GABRA2: variants seen among roughly 807,000 people sequenced by gnomAD.
GABRA2 encodes the protein gamma-aminobutyric acid type A receptor subunit alpha2, also known as gamma-aminobutyric acid receptor subunit alpha-2.
Under a neutral mutation model 48.7 loss-of-function variants are expected in GABRA2, and 16 were observed. The ratio of observed to expected loss-of-function variants is 0.33; its 90% CI spans 0.22 to 0.50. The LOEUF is 0.50. Ranked by LOEUF, GABRA2 falls within the 20% of genes least tolerant of loss-of-function variation. The probability of loss-of-function intolerance (pLI) is 0.98; values close to 1 mark genes in which losing one functional copy is unlikely to be tolerated. For synonymous variants in GABRA2, 185 were observed against 184.5 expected (o/e 1.00, Z -0.02); for missense variants, 275 against 535.6 (o/e 0.51, Z 4.80).
At chr4:46,304,695 C>T (rs1403099815) in intron 7 of GABRA2, among the ~76,000 whole-genome samples, 6 of 151,776 alleles carry the variant, frequency 4.0e-5, no homozygotes, top group African/African-American at 1.4e-4. Flanking sequence ...TTTGGGAGGC[C>T]GAGGCAGGCT....
chr4:46,388,513 C>T, intron 2 of GABRA2, 123 bp downstream of exon 2: 1 of 1,147,222 alleles, frequency 8.7e-7, no homozygotes, highest in Non-Finnish European at 1.3e-6. Flanking sequence ...TCACTTTCCC[C>T]ATACACCCCC....
intron 4 of GABRA2, among the ~76,000 whole-genome samples, chr4:46,325,513 T>C (rs891931297): frequency 1.3e-5 from 2 of 151,980 alleles, no homozygotes. Context: ...TAATTTCTCC[T>C]ATTCTGTAGG....
At chr4:46,301,181 T>A (rs931234679) in intron 8 of GABRA2, among the ~76,000 whole-genome samples, 3 of 152,094 alleles carry the variant, frequency 2.0e-5, no homozygotes, top group Non-Finnish European at 4.4e-5. Flanking sequence ...TGGGAAAAAA[T>A]TTGAGGAGGT....
At chr4:46,273,532 TATATGA>T (rs1372111505) in intron 8 of GABRA2, among the ~76,000 whole-genome samples, 74 of 40,476 alleles carry the variant, frequency 1.8e-3, no homozygotes, top group African/African-American at 8.4e-3. Flanking sequence ...TATATATATA[TATATGA>T]GAGAGAGAGG....
At chr4:46,307,114 C>T (rs1352915488) in intron 6 of GABRA2, among the ~76,000 whole-genome samples, 1 of 151,500 alleles carries the variant, frequency 6.6e-6, no homozygotes, top group Admixed American at 6.6e-5. Flanking sequence ...TATGTATATA[C>T]TTTTAATAGA....
At chr4:46,278,156 C>G (rs1016364274) in intron 8 of GABRA2, among the ~76,000 whole-genome samples, 1 of 152,094 alleles carries the variant, frequency 6.6e-6, no homozygotes, top group Non-Finnish European at 1.5e-5. Flanking sequence ...TACACACACA[C>G]TTATACACAC....
At chr4:46,386,440 A>T (rs1448739117) in intron 2 of GABRA2, among the ~76,000 whole-genome samples, 4 of 152,154 alleles carry the variant, frequency 2.6e-5, no homozygotes, top group Admixed American at 2.6e-4. Flanking sequence ...TGCCCCTTTA[A>T]CATTTTATGT....
At chr4:46,262,392 T>C (rs947844983) in intron 8 of GABRA2, among the ~76,000 whole-genome samples, 1 of 152,120 alleles carries the variant, frequency 6.6e-6, no homozygotes, top group African/African-American at 2.4e-5. Context: ...ACTTCCTTCT[T>C]CTTAAGTACT....
intron 9 of GABRA2, among the ~76,000 whole-genome samples, chr4:46,252,559 A>G (rs182996131): frequency 1.7e-3 from 262 of 151,504 alleles, no homozygotes; most frequent in African/African-American, 6.1e-3. Flanking sequence ...AAAGCGCTCA[A>G]ACTTAGATGT....
intron 3 of GABRA2, among the ~76,000 whole-genome samples, chr4:46,338,092 A>C (rs1192478070): frequency 2.4e-4 from 36 of 152,006 alleles, no homozygotes; most frequent in Non-Finnish European, 4.4e-5. Flanking sequence ...CCGTAGACAC[A>C]CACATACACA....
chr4:46,361,585 C>A (rs1450397279), intron 3 of GABRA2, among the ~76,000 whole-genome samples: 3 of 152,148 alleles, frequency 2.0e-5, no homozygotes, highest in Non-Finnish European at 4.4e-5. Flanking sequence ...GGGTTGGAGC[C>A]ACCAAACAGA....
Position 46,246,789 on chromosome 4 carries a change from C to A in GABRA2, c.*3519G>T, listed in dbSNP as rs1379004559. On this transcript the variant is annotated 3_prime_UTR_variant, in exon 10 of 10. Transcript: ENST00000381620. ...TGTTTCACAGACATGTGTCTGAGGG[C>A]ATCAGGCATAGAATACATTAAACAA... Among the ~76,000 whole-genome samples the A allele has an allele frequency of 6.6e-6, 1 of 151,122 alleles. No individual in the cohort carries two copies. The highest frequency in any genetic ancestry group is 1.5e-5 in the Non-Finnish European group (1 of 67,432).
intron 3 of GABRA2, among the ~76,000 whole-genome samples, chr4:46,357,119 G>A (rs1447935911): frequency 6.6e-6 from 1 of 151,618 alleles, no homozygotes; most frequent in Non-Finnish European, 1.5e-5. Context: ...CTGCACTACT[G>A]GGGCTCTACA....
In GABRA2 at chr4:46,247,788, G is replaced by A. The variant is rs929911634; in HGVS notation, c.*2520C>T. ...ACGAATCTTGTTCTATAATTTAAAA[G>A]CAATTTCCACGGAGCATCCCTAGTC... On this transcript the variant is annotated 3_prime_UTR_variant, in exon 10 of 10. Coordinates refer to ENST00000381620, the MANE Select transcript of GABRA2 (RefSeq NM_000807.4). 6.6e-6 allele frequency among the ~76,000 whole-genome samples: 1 copy of A among 151,204 alleles called. No individual in the cohort carries two copies. Among genetic ancestry groups the A allele is most frequent in the African/African-American group, 2.4e-5 (1 of 41,318 alleles).
At chr4:46,344,637 A>G (rs1426265381) in intron 3 of GABRA2, among the ~76,000 whole-genome samples, 1 of 151,850 alleles carries the variant, frequency 6.6e-6, no homozygotes, top group Non-Finnish European at 1.5e-5. Context: ...GAAAAGATCA[A>G]TGACAGAGGA....
At chr4:46,297,325 T>C (rs1724906816) in intron 8 of GABRA2, among the ~76,000 whole-genome samples, 1 of 151,512 alleles carries the variant, frequency 6.6e-6, no homozygotes, top group Non-Finnish European at 1.5e-5. Context: ...GCCTACATCT[T>C]TCTCCTGTGC....
chr4:46,354,903 C>T (rs1245531506), intron 3 of GABRA2, among the ~76,000 whole-genome samples: 1 of 151,928 alleles, frequency 6.6e-6, no homozygotes, highest in Non-Finnish European at 1.5e-5. Context: ...AGTTTTGCCC[C>T]ATCTGTGTCA....
intron 3 of GABRA2, chr4:46,364,753 T>C (rs1450291228): frequency 6.6e-6 from 1 of 152,226 alleles, no homozygotes; most frequent in African/African-American, 2.4e-5. Flanking sequence ...TCTCTTGATT[T>C]AGATTTAAAA....
At chr4:46,332,473 T>C (rs113529417) in intron 4 of GABRA2, 142 bp downstream of exon 4, 14 of 557,330 alleles carry the variant, frequency 2.5e-5, no homozygotes, top group African/African-American at 1.3e-4. Flanking sequence ...TCCAAACATC[T>C]TTAACTATCC....
Sources: allele counts gnomAD v4.1 joint callset (sites outside exome capture counted in the v4.1 genomes callset), GRCh38; gene constraint gnomAD v4.1.1; transcripts MANE v1.5; gene names NCBI Gene and HGNC (gene_info 2026-07-23, HGNC 2026-07-21).